The following KANK1 variants were observed in gnomAD, a reference collection of about 807,000 sequenced individuals.
KANK1 encodes the protein KN motif and ankyrin repeat domain-containing protein 1.
In KANK1, 109 loss-of-function variants were observed where a neutral mutation model predicts 106.2. That is an observed-to-expected ratio of 1.03 (90% CI 0.88 to 1.20). The LOEUF is 1.20. KANK1 is among the 50% of genes most tolerant of loss of function. KANK1 has a pLI of 0.00. For missense variants in KANK1, 2,399 were observed against 1,710.7 expected (o/e 1.40, Z -7.10); for synonymous variants, 873 against 652.2 (o/e 1.34, Z -5.16).
At chr9:577,995 C>T (rs937573197) in intron 1 of KANK1, among the ~76,000 whole-genome samples, 2 of 152,090 alleles carry the variant, frequency 1.3e-5, no homozygotes, top group South Asian at 4.2e-4. Context: ...TCACTCAGAG[C>T]CCAGCTAGGA....
intron 2 of KANK1, among the ~76,000 whole-genome samples, chr9:704,667 CT>C (rs1296583873): frequency 1.3e-5 from 2 of 152,218 alleles, no homozygotes; most frequent in East Asian, 3.9e-4. Flanking sequence ...CAAACAGAGA[CT>C]TCTTGTAATA....
chr9:607,060 C>A (rs1443604354), intron 1 of KANK1, among the ~76,000 whole-genome samples: 1 of 151,850 alleles, frequency 6.6e-6, no homozygotes, highest in East Asian at 1.9e-4. Flanking sequence ...TTGGGTTATT[C>A]TTTAAAACAG....
At chr9:735,282 T>G (rs899102951) in intron 7 of KANK1, among the ~76,000 whole-genome samples, 2 of 152,196 alleles carry the variant, frequency 1.3e-5, no homozygotes, top group African/African-American at 4.8e-5. Context: ...CTGTATGTTA[T>G]GCTCTGATGT....
rs1012114291 is a variant in KANK1, at chr9:608,455, A to G, written c.-83-68435A>G. Among the ~76,000 whole-genome samples the G allele has an allele frequency of 4.0e-5, 6 of 151,896 alleles. 1 individual carries two copies. The highest frequency in any genetic ancestry group is 1.5e-4 in the African/African-American group (6 of 41,186). ...AGAAATCATTTTTTAAAAATTCTTT[A>G]TATCTAATGTTGGCCAATGTTACCT... On this transcript the variant is annotated intron_variant, in intron 1 of 11. Coordinates refer to ENST00000382297, the MANE Select transcript of KANK1 (RefSeq NM_015158.5).
chr9:549,282 T>C (rs1022490764), intron 1 of KANK1: 3 of 152,484 alleles, frequency 2.0e-5, no homozygotes, highest in African/African-American at 4.8e-5. Flanking sequence ...GATGTGACTG[T>C]GTGCCAGGTG....
chr9:508,102 G>T (rs557856685), intron 1 of KANK1, among the ~76,000 whole-genome samples: 80 of 137,074 alleles, frequency 5.8e-4, no homozygotes, highest in African/African-American at 2.0e-3. Context: ...GATTACAGGT[G>T]TGAGACACCC....
intron 1 of KANK1, among the ~76,000 whole-genome samples, chr9:590,295 G>A (rs1335239579): frequency 6.6e-6 from 1 of 150,690 alleles, no homozygotes; most frequent in Non-Finnish European, 1.5e-5. Context: ...GAAGTGAGGA[G>A]ATGATAGATG....
At chr9:644,880 G>A (rs1473544841) in intron 1 of KANK1, among the ~76,000 whole-genome samples, 1 of 150,974 alleles carries the variant, frequency 6.6e-6, no homozygotes, top group African/African-American at 2.5e-5. Context: ...CAGCACTTCG[G>A]GAGGCCGAGG....
intron 2 of KANK1, among the ~76,000 whole-genome samples, chr9:681,873 C>G (rs1228277863): frequency 6.6e-6 from 1 of 152,174 alleles, no homozygotes; most frequent in Non-Finnish European, 1.5e-5. Flanking sequence ...TAGTTGCCTT[C>G]CCCAATTGAT....
intron 10 of KANK1, among the ~76,000 whole-genome samples, chr9:744,008 T>G (rs558161096): frequency 6.6e-6 from 1 of 152,218 alleles, no homozygotes; most frequent in Non-Finnish European, 1.5e-5. Flanking sequence ...TTCCAGAAGT[T>G]GGATCTGTGC....
At chr9:595,309 T>C (rs1825938893) in intron 1 of KANK1, among the ~76,000 whole-genome samples, 2 of 151,758 alleles carry the variant, frequency 1.3e-5, no homozygotes, top group Admixed American at 1.3e-4. Context: ...GTTATTCACA[T>C]GGCCCAGAAA....
intron 1 of KANK1, among the ~76,000 whole-genome samples, chr9:596,082 T>C (rs1263934130): frequency 6.6e-6 from 1 of 151,852 alleles, no homozygotes; most frequent in African/African-American, 2.4e-5. Flanking sequence ...GGTAACTTTA[T>C]ACAATATTTT....
chr9:544,219 C>T (rs565642545), intron 1 of KANK1, among the ~76,000 whole-genome samples: 11 of 151,970 alleles, frequency 7.2e-5, no homozygotes, highest in Middle Eastern at 3.4e-3. Context: ...CAGGGTTTTG[C>T]CATGTTGCCC....
At chr9:742,135 C>A in intron 9 of KANK1, 70 bp from the exon 10 acceptor site, 1 of 1,318,608 alleles carries the variant, frequency 7.6e-7, no homozygotes, top group Non-Finnish European at 1.1e-6. Context: ...TTCCCTAGCA[C>A]AGCCCCACTA....
At chr9:626,217 A>G (rs1421398600) in intron 1 of KANK1, among the ~76,000 whole-genome samples, 1 of 152,154 alleles carries the variant, frequency 6.6e-6, no homozygotes, top group Admixed American at 6.5e-5. Flanking sequence ...TAATCCCAGC[A>G]CTTTAGGAGG....
At chr9:657,178 A>G (rs147219303) in intron 1 of KANK1, among the ~76,000 whole-genome samples, 1 of 152,172 alleles carries the variant, frequency 6.6e-6, no homozygotes, top group Non-Finnish European at 1.5e-5. Context: ...TTTCCATTCT[A>G]TTCATGTTGT....
At chr9:669,854 A>G (rs1845497574) in intron 1 of KANK1, among the ~76,000 whole-genome samples, 1 of 152,052 alleles carries the variant, frequency 6.6e-6, no homozygotes, top group South Asian at 2.1e-4. Flanking sequence ...GAACACCAAT[A>G]ATTCTTAGAT....
At chr9:718,502 G>T (rs1363288966) in intron 3 of KANK1, among the ~76,000 whole-genome samples, 1 of 151,486 alleles carries the variant, frequency 6.6e-6, no homozygotes, top group East Asian at 1.9e-4. Context: ...TAGAGACAAG[G>T]TCTCCCCATG....
chr9:696,956 GA>G (rs1343522029), intron 2 of KANK1, among the ~76,000 whole-genome samples: 1 of 152,080 alleles, frequency 6.6e-6, no homozygotes, highest in Non-Finnish European at 1.5e-5. Flanking sequence ...ATGAAGAAAG[GA>G]AAGACAGAAA....
Sources: gnomAD v4.1 joint callset for allele counts (sites outside exome capture counted in the v4.1 genomes callset) on GRCh38, gnomAD v4.1.1 for gene constraint, MANE v1.5 for transcripts, NCBI Gene and HGNC (gene_info 2026-07-23, HGNC 2026-07-21) for gene names.